DLL4: variants seen among roughly 807,000 people sequenced by gnomAD.
DLL4 encodes delta like canonical Notch ligand 4, also known as delta-like protein 4.
In DLL4, 7 loss-of-function variants were observed where a neutral mutation model predicts 73.6. The observed-to-expected ratio is 0.10, with a 90% CI of 0.05 to 0.18. The LOEUF is 0.18. Ranked by LOEUF, DLL4 falls within the 10% of genes least tolerant of loss-of-function variation. The pLI is 1.00. For synonymous variants in DLL4, 345 were observed against 374.3 expected (o/e 0.92, Z 0.90); for missense variants, 614 against 929.9 (o/e 0.66, Z 4.42).
At position 40,936,425 on chromosome 15, in the gene DLL4, T is replaced by G. The variant is rs1239158042; in HGVS notation, c.1438T>G (p.Ser480Ala). 1 of 1,611,576 alleles carries G rather than the reference T, an allele frequency of 6.2e-7. No homozygotes were observed. The highest frequency in any genetic ancestry group is 8.5e-7 in the Non-Finnish European group (1 of 1,179,472). The change falls in exon 9 of 11, where the codon TCC (serine) becomes GCC (alanine). Residue 480 changes from serine (S) to alanine (A), a missense_variant. Transcript: ENST00000249749. Reference protein sequence around the residue: ...FSGRRCEVRTSIDACASSPCF... With the variant: ...FSGRRCEVRTAIDACASSPCF... ...TGGCCGACGCTGTGAGGTGCGGACA[T>G]CCATCGATGCCTGTGCCTCGAGTCC...
In DLL4 at chr15:40,934,964, A is replaced by T. The variant is rs1221258805; in HGVS notation, c.1087A>T (p.Thr363Ser). 22 of 1,613,476 alleles carry T rather than the reference A, an allele frequency of 1.4e-5. No individual in the cohort carries two copies. Among genetic ancestry groups the T allele is most frequent in the Non-Finnish European group, 1.9e-5 (22 of 1,179,884 alleles). ...GYYGLHCEHS[T>S]LSCADSPCFN... ...CTATGGCCTGCATTGTGAACACAGC[A>T]CCTTGAGCTGCGCCGACTCCCCCTG... The change falls in exon 8 of 11, where the codon ACC becomes TCC. Residue 363 changes from threonine to serine, a missense_variant. By Grantham distance (58) the Thr-to-Ser change is moderately conservative (BLOSUM62 1). Coordinates refer to ENST00000249749, the MANE Select transcript of DLL4 (RefSeq NM_019074.4).
At chr15:40,937,085 C>G (rs146824102) in intron 9 of DLL4, among the ~76,000 whole-genome samples, 155 bp downstream of exon 9, 1 of 152,212 alleles carries the variant, frequency 6.6e-6, no homozygotes, top group African/African-American at 2.4e-5. Context: ...GTCCTTTGTC[C>G]TTCCCTCCCA....
chr15:40,931,510 G>A lies in DLL4; in HGVS notation c.402G>A (p.Leu134=). The stretch of plus-strand genomic sequence containing the variant: ...GACCCTCTGCCCCCTCAGAGGCCTT[G>A]CCACCAGATGCACTCATCAGCAAGA... The part of the protein sequence containing the change: ...APGDDLRPEA[L]PPDALISKIA... Residue 134 remains leucine (L), a synonymous_variant, in exon 4 of 11, where the codon TTG becomes TTA. Coordinates refer to ENST00000249749, the MANE Select transcript of DLL4 (RefSeq NM_019074.4). 6.2e-7 allele frequency: 1 copy of A among 1,607,994 alleles called. No homozygotes were observed. Among genetic ancestry groups the A allele is most frequent in the Non-Finnish European group, 8.5e-7 (1 of 1,177,544 alleles).
rs980190964 is a variant in DLL4 at position 40,936,353 on chromosome 15, C to G, written c.1366C>G (p.His456Asp). ...RNPCAHGGTC[H>D]DLENGLMCTC... The stretch of plus-strand genomic sequence containing the variant: ...CCCTTGCGCCCACGGTGGCACTTGC[C>G]ATGACCTGGAGAATGGGCTCATGTG... Residue 456 changes from histidine (H) to aspartate (D), a missense_variant, in exon 9 of 11, where the codon CAT (histidine) becomes GAT (aspartate). Transcript: ENST00000249749. 6.2e-7 allele frequency: 1 copy of G among 1,610,828 alleles called. No homozygotes were observed. Among genetic ancestry groups the G allele is most frequent in the Admixed American group, 1.7e-5 (1 of 59,664 alleles).
rs1233954323 is a variant in DLL4 at position 40,934,998 on chromosome 15, G to T, written c.1121G>T (p.Gly374Val). The change falls in exon 8 of 11, where the codon GGG becomes GTG. Residue 374 changes from glycine (G) to valine (V), a missense_variant. Gly to Val is a moderately radical substitution (Grantham distance 109). This residue lies in a region of DLL4 where 386 missense variants were observed against 541.3 expected (regional missense o/e 0.71). Transcript: ENST00000249749. Reference protein sequence around the residue: ...LSCADSPCFNGGSCRERNQGA... With the variant: ...LSCADSPCFNVGSCRERNQGA... ...TGCGCCGACTCCCCCTGCTTCAATGGGGGCTCCTGCCGGGAGCGCAACCAG... is the reference window on the plus strand; with the variant it reads ...TGCGCCGACTCCCCCTGCTTCAATGTGGGCTCCTGCCGGGAGCGCAACCAG... 6.2e-7 allele frequency: 1 copy of T among 1,613,592 alleles called. No homozygotes were observed. Among genetic ancestry groups the T allele is most frequent in the East Asian group, 2.2e-5 (1 of 44,892 alleles).
intron 10 of DLL4, 114 bp from the exon 11 acceptor site, chr15:40,937,915 C>T: frequency 7.7e-7 from 1 of 1,300,908 alleles, no homozygotes; most frequent in Non-Finnish European, 1.1e-6. Context: ...ACTGCCCCAC[C>T]TGCCCTTAGC....
chr15:40,935,801 C>T (rs902380359), intron 8 of DLL4, among the ~76,000 whole-genome samples: 13 of 152,162 alleles, frequency 8.5e-5, no homozygotes, highest in Non-Finnish European at 2.9e-5. Flanking sequence ...TGTACTTATC[C>T]GAGCATTAAC....
chr15:40,930,311 C>A lies in DLL4; in HGVS notation c.336+195C>A. 1 of 738,396 alleles carries A rather than the reference C, an allele frequency of 1.4e-6. No individual in the cohort carries two copies. Among genetic ancestry groups the A allele is most frequent in the Non-Finnish European group, 2.2e-6 (1 of 460,442 alleles). 45.7% of individuals were successfully genotyped at this position (738,396 alleles called of 1,614,324 possible). ...AAGGCTCTCACCAGTCTCCGTCTTC[C>A]CAGTTTATGTCCTCCCGTCCCCAGC... is the stretch of plus-strand genomic sequence containing the variant. On this transcript the variant is annotated intron_variant, in intron 2 of 10. Coordinates refer to ENST00000249749, the MANE Select transcript of DLL4 (RefSeq NM_019074.4). This position sits in a 1 kb window ranked among gnomAD's most constrained non-coding sequence, Gnocchi z 5.7.
In DLL4 at chr15:40,930,680, C is replaced by G; in HGVS notation, c.392C>G (p.Pro131Arg). 6.2e-7 allele frequency: 1 copy of G among 1,613,698 alleles called. No homozygotes were observed. Among genetic ancestry groups the G allele is most frequent in the Non-Finnish European group, 8.5e-7 (1 of 1,179,812 alleles). Residue 131 changes from proline (P) to arginine (R), a missense_variant and splice_region_variant, in exon 3 of 11, where the codon CCA (proline) becomes CGA (arginine). By Grantham distance (103) the Pro-to-Arg change is moderately radical (BLOSUM62 -2). Coordinates refer to ENST00000249749, the MANE Select transcript of DLL4 (RefSeq NM_019074.4). This position sits in a 1 kb window ranked among gnomAD's most constrained non-coding sequence, Gnocchi z 5.7. Reference sequence around the variant, plus strand: ...CACGCGCCAGGAGACGACCTGCGGCCAGGTGAGTAGCTCGCTCCGCCACCA... The same window carrying G: ...CACGCGCCAGGAGACGACCTGCGGCGAGGTGAGTAGCTCGCTCCGCCACCA... ...AWHAPGDDLRPEALPPDALIS... is the reference protein window; with the variant it reads ...AWHAPGDDLRREALPPDALIS...
intron 6 of DLL4, 74 bp downstream of exon 6, chr15:40,932,521 C>T: frequency 6.4e-7 from 1 of 1,568,752 alleles, no homozygotes; most frequent in South Asian, 1.1e-5. Flanking sequence ...CGATTCGTCA[C>T]CTGGATCCTT....
At chr15:40,931,941 TC>T (rs1596192685) in intron 4 of DLL4, among the ~76,000 whole-genome samples, 175 bp downstream of exon 4, 1 of 152,246 alleles carries the variant, frequency 6.6e-6, no homozygotes, top group East Asian at 1.9e-4. Flanking sequence ...TTCCCAGTGC[TC>T]CTCCCATCAT....
At position 40,938,089 on chromosome 15, in the gene DLL4, G is replaced by C; in HGVS notation, c.*55G>C. 1 of 1,500,580 alleles carries C rather than the reference G, an allele frequency of 6.7e-7. No homozygotes were observed. Among genetic ancestry groups the C allele is most frequent in the Non-Finnish European group, 8.9e-7 (1 of 1,126,028 alleles). The allele number at this position is 1,500,580 out of a possible 1,614,324, so 93.0% of individuals were successfully genotyped here. On this transcript the variant is annotated 3_prime_UTR_variant, in exon 11 of 11. Transcript: ENST00000249749. ...AGCCCCGCGGCTGGACCTTCCTTCT[G>C]CATTGTTTACATTGCATCCTGGATG...
intron 6 of DLL4, 33 bp downstream of exon 6, chr15:40,932,480 G>T (rs370485305): frequency 3.1e-6 from 5 of 1,612,708 alleles, no homozygotes; most frequent in Admixed American, 1.7e-5. Flanking sequence ...TGCAGAGGGT[G>T]CAAGAGATAT....
At chr15:40,934,356 A>AAGAG (rs369129652) in intron 6 of DLL4, among the ~76,000 whole-genome samples, 192 bp from the exon 7 acceptor site, 25 of 151,310 alleles carry the variant, frequency 1.7e-4, no homozygotes, top group African/African-American at 5.1e-4. Context: ...AAGAAAGAGA[A>AAGAG]AGAGAGAGAA....
chr15:40,930,338 C>T lies in DLL4; in HGVS notation c.336+222C>T. On this transcript the variant is annotated intron_variant, in intron 2 of 10. Coordinates refer to ENST00000249749, the MANE Select transcript of DLL4 (RefSeq NM_019074.4). The surrounding 1 kb of genome is among the most constrained non-coding windows in gnomAD (Gnocchi z 5.7). The stretch of plus-strand genomic sequence containing the variant: ...AGTTTATGTCCTCCCGTCCCCAGCT[C>T]TTGGGACACGATTTTCATTACCTAC... 1.5e-6 allele frequency: 1 copy of T among 671,744 alleles called. No homozygotes were observed. The allele number at this position is 671,744 out of a possible 1,614,324, so 41.6% of individuals were successfully genotyped here. A position where few individuals can be genotyped will look rare whatever the true frequency, so the allele number is the denominator to read the frequency against.
At chr15:40,931,369 G>A (rs138838547) in intron 3 of DLL4, 134 bp from the exon 4 acceptor site, 13 of 1,112,808 alleles carry the variant, frequency 1.2e-5, no homozygotes, top group South Asian at 9.2e-5. Context: ...GCTGGCAGGC[G>A]GGGGTCATCT....
rs1050632559 is a variant in DLL4, at chr15:40,930,532, A to G, written c.337-93A>G. ...CCGGGCGCAGTAACTGAATCCTGCA[A>G]TTAGATTAATTAAACAGGCTGCCGC... On this transcript the variant is annotated intron_variant, in intron 2 of 10. Transcript: ENST00000249749. The surrounding 1 kb of genome is among the most constrained non-coding windows in gnomAD (Gnocchi z 5.7). The G allele has an allele frequency of 1.9e-6, 2 of 1,031,988 alleles. No individual in the cohort carries two copies. The highest frequency in any genetic ancestry group is 3.0e-6 in the Non-Finnish European group (2 of 670,534). The allele number at this position is 1,031,988 out of a possible 1,614,324, so 63.9% of individuals were successfully genotyped here. A position where few individuals can be genotyped will look rare whatever the true frequency, so the allele number is the denominator to read the frequency against.
Sources: gnomAD v4.1 joint callset for allele counts (sites outside exome capture counted in the v4.1 genomes callset) on GRCh38, gnomAD v4.1.1 for gene constraint, gnomAD v4.1.1 regional missense constraint, Gnocchi (gnomAD v3.1) non-coding constraint, MANE v1.5 for transcripts, NCBI Gene and HGNC (gene_info 2026-07-23, HGNC 2026-07-21) for gene names.